Variants in ROR2 observed in about 807,000 individuals in gnomAD.
The protein encoded by ROR2 is tyrosine-protein kinase transmembrane receptor ROR2.
A neutral mutation model predicts 74.9 loss-of-function variants in ROR2; 33 were observed. The ratio of observed to expected loss-of-function variants is 0.44; its 90% CI spans 0.33 to 0.59. The LOEUF (loss-of-function observed/expected upper bound fraction) is 0.59, where lower values mean the gene tolerates loss of function less well. Ranked by LOEUF, ROR2 falls within the 20% of genes least tolerant of loss-of-function variation. The pLI, the probability that ROR2 is intolerant of heterozygous loss-of-function variation, is 0.02. For synonymous variants in ROR2, 586 were observed against 558.7 expected, an observed-to-expected ratio of 1.05 and a Z score of -0.69; for missense variants, 1,216 against 1,313.8, an observed-to-expected ratio of 0.93 and a Z score of 1.15.
chr9:91,844,314 G>A lies in ROR2; in HGVS notation c.98-68496C>T, dbSNP rs564203356. Among the ~76,000 whole-genome samples the A allele has an allele frequency of 2.0e-5, 3 of 152,066 alleles. No individual in the cohort carries two copies. The South Asian group carries it at 6.3e-4, about 32-fold the overall frequency. On this transcript the variant is annotated intron_variant, in intron 1 of 8. Coordinates refer to ENST00000375708, the MANE Select transcript of ROR2 (RefSeq NM_004560.4). ...AAACACTGTTTGCAGGTTCCTGGGG[G>A]CCTCCTCTGGGCCGGCACACAAGAT...
rs55651110 is a variant in ROR2, at chr9:91,724,480, C to T, written c.2014G>A (p.Asp672Asn). 1.1e-4 allele frequency: 175 copies of T among 1,614,054 alleles called. No homozygotes were observed. Among genetic ancestry groups the T allele is most frequent in the Non-Finnish European group, 1.2e-4 (144 of 1,180,036 alleles). The change falls in exon 9 of 9, where the codon GAC becomes AAC. Residue 672 changes from aspartate (D) to asparagine (N), a missense_variant. Physicochemically the swap from Asp to Asn is conservative, Grantham distance 23. Transcript: ENST00000375708. ...EAIMYGKFSI[D>N]SDIWSYGVVL... ...ACACCGTAGGACCAGATGTCTGAGT[C>T]GATGGAGAACTTGCCGTACATGATG...
Position 91,757,691 on chromosome 9 carries a change from C to T in ROR2, c.176-132G>A, listed in dbSNP as rs199764908. The T allele has an allele frequency of 4.4e-4, 411 of 926,500 alleles. 2 individuals are homozygous for T. The East Asian group carries it at 7.7e-3, about 17-fold the overall frequency. The allele number at this position is 926,500 out of a possible 1,614,324, so 57.4% of individuals were successfully genotyped here. A position where few individuals can be genotyped will look rare whatever the true frequency, so the allele number is the denominator to read the frequency against. On this transcript the variant is annotated intron_variant, in intron 2 of 8. Transcript: ENST00000375708. ...GTCACCTACTAAAATAGGTTGTTATCTGCGGTAATTATCTTCTAGAAAGCT... is the reference window on the plus strand; with the variant it reads ...GTCACCTACTAAAATAGGTTGTTATTTGCGGTAATTATCTTCTAGAAAGCT...
intron 1 of ROR2, among the ~76,000 whole-genome samples, chr9:91,922,534 A>T (rs758170403): frequency 1.2e-4 from 19 of 152,054 alleles, no homozygotes; most frequent in Non-Finnish European, 2.1e-4. Flanking sequence ...GCTCACTGCA[A>T]CCTCTACCAC....
At chr9:91,899,180 C>T (rs1830610200) in intron 1 of ROR2, among the ~76,000 whole-genome samples, 1 of 152,094 alleles carries the variant, frequency 6.6e-6, no homozygotes, top group Non-Finnish European at 1.5e-5. Flanking sequence ...CCAGGGGGTG[C>T]GGGGGATGGC....
At position 91,801,472 on chromosome 9, in the gene ROR2, A is replaced by C. The variant is rs541461836; in HGVS notation, c.98-25654T>G. On this transcript the variant is annotated intron_variant, in intron 1 of 8. Coordinates refer to ENST00000375708, the MANE Select transcript of ROR2 (RefSeq NM_004560.4). Reference sequence around the variant, plus strand: ...CTCAGCCTACCGAACAGCTGGGACTACAGGCGCCCGCCACCACACCCAGCT... The same window carrying C: ...CTCAGCCTACCGAACAGCTGGGACTCCAGGCGCCCGCCACCACACCCAGCT... 2.0e-5 allele frequency among the ~76,000 whole-genome samples: 3 copies of C among 152,312 alleles called. No individual in the cohort carries two copies. In the East Asian group the frequency reaches 5.8e-4, roughly 29 times the overall value.
chr9:91,832,662 C>A (rs1828496034), intron 1 of ROR2, among the ~76,000 whole-genome samples: 1 of 152,212 alleles, frequency 6.6e-6, no homozygotes, highest in African/African-American at 2.4e-5. Flanking sequence ...TTCCAGCCAC[C>A]CTTCCCTGTG....
At chr9:91,927,209 G>A (rs1207920051) in intron 1 of ROR2, among the ~76,000 whole-genome samples, 1 of 152,164 alleles carries the variant, frequency 6.6e-6, no homozygotes, top group African/African-American at 2.4e-5. Context: ...CTGGGTTAGA[G>A]GTCATACTCT....
intron 1 of ROR2, among the ~76,000 whole-genome samples, chr9:91,780,013 G>A (rs1036325440): frequency 1.4e-4 from 21 of 152,194 alleles, no homozygotes; most frequent in African/African-American, 5.1e-4. Flanking sequence ...AGGGTTCACT[G>A]TTGATAGGGA....
chr9:91,757,615 G>C, intron 2 of ROR2, 56 bp from the exon 3 acceptor site: 1 of 1,579,938 alleles, frequency 6.3e-7, no homozygotes. Context: ...GGAAGGAAGG[G>C]CTACCTGGGG....
intron 1 of ROR2, among the ~76,000 whole-genome samples, chr9:91,816,110 G>A (rs993810444): frequency 5.3e-5 from 8 of 152,018 alleles, no homozygotes; most frequent in African/African-American, 9.7e-5. Flanking sequence ...CCGGTCCATC[G>A]GTCATCAGTT....
intron 2 of ROR2, among the ~76,000 whole-genome samples, chr9:91,769,242 G>GGTGGAT (rs1226362812): frequency 6.6e-6 from 1 of 152,108 alleles, no homozygotes; most frequent in Admixed American, 6.5e-5. Context: ...CCCAGCCCAG[G>GGTGGAT]GTGGATGTGG....
At chr9:91,789,798 T>C (rs1458306011) in intron 1 of ROR2, among the ~76,000 whole-genome samples, 2 of 151,550 alleles carry the variant, frequency 1.3e-5, no homozygotes, top group Non-Finnish European at 2.9e-5. Flanking sequence ...AGAAAACAAG[T>C]AGCAAAATGG....
intron 1 of ROR2, among the ~76,000 whole-genome samples, chr9:91,786,972 A>G (rs1489536824): frequency 6.6e-6 from 1 of 152,192 alleles, no homozygotes; most frequent in Admixed American, 6.5e-5. Context: ...GGGACAGGAG[A>G]GGACACCACA....
At chr9:91,939,162 A>G (rs1831780426) in intron 1 of ROR2, among the ~76,000 whole-genome samples, 1 of 152,082 alleles carries the variant, frequency 6.6e-6, no homozygotes, top group Non-Finnish European at 1.5e-5. Flanking sequence ...AGGCAGGGGA[A>G]TTGCCTGAAC....
At chr9:91,925,548 T>C (rs1387242624) in intron 1 of ROR2, among the ~76,000 whole-genome samples, 1 of 151,862 alleles carries the variant, frequency 6.6e-6, no homozygotes, top group East Asian at 1.9e-4. Flanking sequence ...ACCCATTTCT[T>C]CTCAAACTTA....
Position 91,733,245 on chromosome 9 carries a change from G to C in ROR2, c.814C>G (p.Arg272Gly). 1 of 1,612,754 alleles carries C rather than the reference G, an allele frequency of 6.2e-7. No individual in the cohort carries two copies. The highest frequency in any genetic ancestry group is 8.5e-7 in the Non-Finnish European group (1 of 1,179,712). The change falls in exon 6 of 9, where the codon CGC becomes GGC. Residue 272 changes from arginine (R) to glycine (G), a missense_variant. Physicochemically the swap from Arg to Gly is moderately radical, Grantham distance 125. Transcript: ENST00000375708. This position sits in a 1 kb window ranked among gnomAD's most constrained non-coding sequence, Gnocchi z 5.7. ...DLCRQEYTIA[R>G]SNPLILMRLQ... ...CGCATGAGGATGAGCGGGTTGGAGC[G>C]GGCGATGGTGTACTCCTGGCGGCAC... is the stretch of plus-strand genomic sequence containing the variant.
intron 1 of ROR2, among the ~76,000 whole-genome samples, chr9:91,874,791 C>G: frequency 6.6e-6 from 1 of 152,110 alleles, no homozygotes; most frequent in East Asian, 1.9e-4. Flanking sequence ...CAAAATTAGC[C>G]AGGCATGGTG....
chr9:91,757,181 G>T, intron 3 of ROR2, 91 bp downstream of exon 3: 1 of 1,515,492 alleles, frequency 6.6e-7, no homozygotes. Flanking sequence ...TGACTGGTGT[G>T]TGTTCAGTTT....
intron 1 of ROR2, among the ~76,000 whole-genome samples, chr9:91,920,730 A>G (rs1198983989): frequency 6.6e-6 from 1 of 152,146 alleles, no homozygotes; most frequent in Non-Finnish European, 1.5e-5. Context: ...AAACAAATAC[A>G]CATGACAGAT....
Sources: gnomAD v4.1 joint callset for allele counts (sites outside exome capture counted in the v4.1 genomes callset) on GRCh38, gnomAD v4.1.1 for gene constraint, Gnocchi (gnomAD v3.1) non-coding constraint, MANE v1.5 for transcripts, NCBI Gene and HGNC (gene_info 2026-07-23, HGNC 2026-07-21) for gene names.